Variants in SEMA5A observed in about 807,000 individuals in gnomAD.
The protein encoded by SEMA5A is semaphorin 5A, also known as semaphorin-5A.
SEMA5A carries 55 observed loss-of-function variants against 135.5 expected under a neutral mutation model. The ratio of observed to expected loss-of-function variants is 0.41; its 90% CI spans 0.33 to 0.51. SEMA5A has a LOEUF of 0.51. Among genes scored for constraint, SEMA5A ranks in the 20% least tolerant of loss-of-function variants. SEMA5A has a pLI of 0.37. For synonymous variants in SEMA5A, 580 were observed against 546.5 expected (o/e 1.06, Z -0.85); for missense variants, 1,290 against 1,419.9 (o/e 0.91, Z 1.47).
At chr5:9,322,596 T>A (rs1157479611) in intron 4 of SEMA5A, among the ~76,000 whole-genome samples, 4 of 152,038 alleles carry the variant, frequency 2.6e-5, no homozygotes, top group Non-Finnish European at 5.9e-5. Context: ...TAATATAGAG[T>A]CTAAGAAATC....
chr5:9,476,997 C>T (rs1759692853), intron 1 of SEMA5A, among the ~76,000 whole-genome samples: 1 of 151,970 alleles, frequency 6.6e-6, no homozygotes, highest in South Asian at 2.1e-4. Flanking sequence ...GAAGTTTAAT[C>T]CCCATATATC....
chr5:9,147,813 A>G (rs533526723), intron 12 of SEMA5A, among the ~76,000 whole-genome samples: 12 of 152,104 alleles, frequency 7.9e-5, no homozygotes, highest in African/African-American at 2.9e-4. Flanking sequence ...CTGCAAAGGA[A>G]TTTTATTTTG....
rs536576710 is a variant in SEMA5A, at chr5:9,448,591, C to T, written c.-174-10739G>A. Among the ~76,000 whole-genome samples the T allele has an allele frequency of 6.6e-5, 10 of 152,308 alleles. 1 individual carries two copies. The South Asian group carries it at 1.7e-3, about 25-fold the overall frequency. ...TAGTCTGCTTTTTGGTTTTGGTTTG[C>T]TAAGCCATTGAGATAGTAACACCTC... On this transcript the variant is annotated intron_variant, in intron 1 of 22. Transcript: ENST00000382496.
chr5:9,410,793 A>C (rs1349240982), intron 2 of SEMA5A, among the ~76,000 whole-genome samples: 1 of 152,066 alleles, frequency 6.6e-6, no homozygotes, highest in African/African-American at 2.4e-5. Context: ...CTGTGCAACA[A>C]ACCTGCACAT....
At chr5:9,334,231 T>G (rs897774813) in intron 4 of SEMA5A, among the ~76,000 whole-genome samples, 2 of 152,190 alleles carry the variant, frequency 1.3e-5, no homozygotes, top group Non-Finnish European at 2.9e-5. Context: ...AAATCGACTA[T>G]TATTCTATTT....
intron 20 of SEMA5A, among the ~76,000 whole-genome samples, chr5:9,051,136 C>G (rs1050693951): frequency 3.3e-5 from 5 of 152,224 alleles, no homozygotes; most frequent in Non-Finnish European, 7.3e-5. Flanking sequence ...TCTTATAGTT[C>G]TGTGCCGTAC....
intron 2 of SEMA5A, among the ~76,000 whole-genome samples, chr5:9,385,793 G>A (rs1277481574): frequency 4.5e-5 from 4 of 89,094 alleles, no homozygotes; most frequent in East Asian, 2.7e-4. Flanking sequence ...GTTGGAAAGC[G>A]CTTTTTTTTT....
intron 12 of SEMA5A, among the ~76,000 whole-genome samples, chr5:9,147,060 G>T (rs1040390095): frequency 8.5e-5 from 13 of 152,176 alleles, no homozygotes; most frequent in Non-Finnish European, 1.6e-4. Flanking sequence ...TCCATTGGCA[G>T]ATGCTGTCTT....
intron 1 of SEMA5A, among the ~76,000 whole-genome samples, chr5:9,541,694 A>AC (rs201314225): frequency 0.093 from 14,028 of 150,038 alleles, 1,066 homozygotes; most frequent in African/African-American, 0.2. Flanking sequence ...ATCTTGGACC[A>AC]AAAAAGAAGA....
At chr5:9,357,293 A>T (rs1372053413) in intron 3 of SEMA5A, among the ~76,000 whole-genome samples, 1 of 152,210 alleles carries the variant, frequency 6.6e-6, no homozygotes, top group Non-Finnish European at 1.5e-5. Context: ...CCACCAAAGG[A>T]TGTGTAGTCC....
chr5:9,413,192 G>C (rs1757164664), intron 2 of SEMA5A, among the ~76,000 whole-genome samples: 1 of 152,120 alleles, frequency 6.6e-6, no homozygotes, highest in African/African-American at 2.4e-5. Context: ...CCAGTGACAG[G>C]ACAGTGGCCA....
chr5:9,340,993 G>A (rs1344414371), intron 3 of SEMA5A, among the ~76,000 whole-genome samples: 4 of 151,862 alleles, frequency 2.6e-5, no homozygotes, highest in South Asian at 2.1e-4. Flanking sequence ...CAATTACCTA[G>A]GCTTTCCTCT....
At chr5:9,114,789 C>T (rs1740426544) in intron 15 of SEMA5A, among the ~76,000 whole-genome samples, 1 of 152,018 alleles carries the variant, frequency 6.6e-6, no homozygotes, top group Non-Finnish European at 1.5e-5. Context: ...GCAAAAGATG[C>T]AAAAAATATG....
intron 8 of SEMA5A, 129 bp from the exon 9 acceptor site, chr5:9,202,369 T>TTTTTAATGACAC: frequency 2.3e-6 from 2 of 879,024 alleles, no homozygotes; most frequent in South Asian, 1.8e-5. Flanking sequence ...ATAGGACTAT[T>TTTTTAATGACAC]GGGAGGCCCC....
chr5:9,275,469 C>A (rs1250461489), intron 5 of SEMA5A, among the ~76,000 whole-genome samples: 1 of 152,172 alleles, frequency 6.6e-6, no homozygotes, highest in East Asian at 1.9e-4. Context: ...GGAATCCTCC[C>A]TAACTCATTT....
chr5:9,124,322 C>T (rs912138042), intron 13 of SEMA5A, among the ~76,000 whole-genome samples: 4 of 152,184 alleles, frequency 2.6e-5, no homozygotes. Context: ...ATAAGCAAAT[C>T]TGCTCAGGAG....
At chr5:9,046,678 T>TCTTTGTCCCTAAACCCTGAACTTTTC (rs1736274224) in intron 21 of SEMA5A, among the ~76,000 whole-genome samples, 1 of 152,170 alleles carries the variant, frequency 6.6e-6, no homozygotes, top group African/African-American at 2.4e-5. Context: ...CGGATATCTC[T>TCTTTGTCCCTAAACCCTGAACTTTTC]CTTTGTCCCT....
chr5:9,107,106 T>C (rs1019765066), intron 16 of SEMA5A, among the ~76,000 whole-genome samples: 4 of 152,198 alleles, frequency 2.6e-5, no homozygotes, highest in African/African-American at 9.7e-5. Flanking sequence ...ATAAAGATGC[T>C]GCAAAGGCCA....
intron 5 of SEMA5A, among the ~76,000 whole-genome samples, chr5:9,316,678 T>A (rs1041308718): frequency 2.0e-5 from 3 of 152,134 alleles, no homozygotes; most frequent in African/African-American, 7.2e-5. Context: ...CAAATAAAAA[T>A]TATATATATT....
Sources: allele counts gnomAD v4.1 joint callset (sites outside exome capture counted in the v4.1 genomes callset), GRCh38; gene constraint gnomAD v4.1.1; transcripts MANE v1.5; gene names NCBI Gene and HGNC (gene_info 2026-07-23, HGNC 2026-07-21).